Variants in ADGRE2 observed in about 807,000 individuals in gnomAD.
ADGRE2 encodes the protein CD97 antigen.
Under a neutral mutation model 100.8 loss-of-function variants are expected in ADGRE2, and 83 were observed. That is an observed-to-expected ratio of 0.82 (90% CI 0.69 to 0.99). The LOEUF (loss-of-function observed/expected upper bound fraction) is 0.99, where lower values mean the gene tolerates loss of function less well. Among genes scored for constraint, ADGRE2 ranks in the 50% least tolerant of loss-of-function variants. The pLI is 0.00. For missense variants in ADGRE2, 814 were observed against 1,035.7 expected (o/e 0.79, Z 2.94); for synonymous variants, 355 against 413.0 (o/e 0.86, Z 1.70).
At chr19:14,729,780 C>T (rs963794861), downstream of ADGRE2, among the ~76,000 whole-genome samples, 7 of 152,132 alleles carry the variant, frequency 4.6e-5, no homozygotes, top group Non-Finnish European at 8.8e-5. Context: ...GTTCTCACCA[C>T]CAAATAATAA....
chr19:14,767,491 G>A (rs148238485), intron 5 of ADGRE2, among the ~76,000 whole-genome samples: 24 of 152,048 alleles, frequency 1.6e-4, no homozygotes, highest in East Asian at 3.9e-4. Flanking sequence ...AGCCCACCTC[G>A]GCCTCCCAAA....
chr19:14,754,386 G>C lies in ADGRE2; in HGVS notation c.1590+568C>G, dbSNP rs746516973. Among the ~76,000 whole-genome samples, 150 of 151,568 alleles carry C rather than the reference G, an allele frequency of 9.9e-4. 4 individuals are homozygous for C. Among genetic ancestry groups the C allele is most frequent in the Admixed American group, 4.6e-4 (7 of 15,150 alleles). On this transcript the variant is annotated intron_variant, in intron 14 of 20. Coordinates refer to ENST00000315576, the MANE Select transcript of ADGRE2 (RefSeq NM_013447.4). ...AAAGGCAGATCCACTCTTAATCTGGGTGGGCACCATCTAATCAGCTGCCAG... is the reference window on the plus strand; with the variant it reads ...AAAGGCAGATCCACTCTTAATCTGGCTGGGCACCATCTAATCAGCTGCCAG...
At chr19:14,772,555 A>G in intron 4 of ADGRE2, 58 bp from the exon 5 acceptor site, 2 of 1,593,180 alleles carry the variant, frequency 1.3e-6, no homozygotes, top group South Asian at 2.2e-5. Flanking sequence ...GTCAGGGCAG[A>G]GACCCCCGTC....
In ADGRE2 at chr19:14,760,081, G is replaced by A. The variant is rs534525955; in HGVS notation, c.1085-3736C>T. ...GATCCTCCCACCTCGGCCTCCCAAAGTGCTGGGATTACAGGCGTGAGCCAC... is the reference window on the plus strand; with the variant it reads ...GATCCTCCCACCTCGGCCTCCCAAAATGCTGGGATTACAGGCGTGAGCCAC... On this transcript the variant is annotated intron_variant, in intron 11 of 20. Coordinates refer to ENST00000315576, the MANE Select transcript of ADGRE2 (RefSeq NM_013447.4). Among the ~76,000 whole-genome samples the A allele has an allele frequency of 1.3e-3, 192 of 152,262 alleles. 1 individual carries two copies. Among genetic ancestry groups the A allele is most frequent in the African/African-American group, 4.4e-3 (183 of 41,564 alleles).
the ADGRE2 span, among the ~76,000 whole-genome samples, chr19:14,724,937 G>C: frequency 1.5e-3 from 234 of 152,296 alleles, no homozygotes; most frequent in African/African-American, 5.5e-3. Flanking sequence ...CACTTTTAGG[G>C]AGAGATGTAC....
chr19:14,724,634 C>T, the ADGRE2 span, among the ~76,000 whole-genome samples: 17 of 152,010 alleles, frequency 1.1e-4, no homozygotes, highest in Non-Finnish European at 1.6e-4. Context: ...GGTGTGGTGG[C>T]GGGAGCCTGT....
At position 14,743,803 on chromosome 19, in the gene ADGRE2, G is replaced by C; in HGVS notation, c.2184-19C>G. On this transcript the variant is annotated intron_variant, in intron 18 of 20. Coordinates refer to ENST00000315576, the MANE Select transcript of ADGRE2 (RefSeq NM_013447.4). ...CAGCATCCTGGATTGAGTAAGAAAG[G>C]AGGCTGGTGATGCACCCAGAGAAAG... 6.2e-7 allele frequency: 1 copy of C among 1,612,386 alleles called. No individual in the cohort carries two copies. The highest frequency in any genetic ancestry group is 1.1e-5 in the South Asian group (1 of 90,992).
rs200754063 is a variant in ADGRE2 at position 14,772,403 on chromosome 19, T to C, written c.294A>G (p.Pro98=). 530 of 1,614,120 alleles carry C rather than the reference T, an allele frequency of 3.3e-4. 5 individuals are homozygous for C. In the East Asian group the frequency reaches 9.2e-3, roughly 28 times the overall value. Residue 98 remains proline, a synonymous_variant, in exon 5 of 21, where the codon CCA becomes CCG. Transcript: ENST00000315576. ...TTGCCCCAGAAACAGGCTCATATCC[T>C]GGGCTGCACACGCAGTCGTAGCTCC... ...TEGSYDCVCS[P]GYEPVSGAKT... is the part of the protein sequence containing the mutation.
intron 12 of ADGRE2, 110 bp downstream of exon 12, chr19:14,756,128 C>T (rs2147282529): frequency 1.1e-6 from 1 of 922,584 alleles, no homozygotes; most frequent in South Asian, 1.4e-5. Context: ...CAGCCCCACT[C>T]CAAACATCCC....
chr19:14,752,693 G>A (rs145446755), intron 14 of ADGRE2, among the ~76,000 whole-genome samples, 167 bp from the exon 15 acceptor site: 3 of 152,276 alleles, frequency 2.0e-5, no homozygotes, highest in African/African-American at 4.8e-5. Context: ...GGTGTCACCC[G>A]AGCCTCATGG....
intron 11 of ADGRE2, among the ~76,000 whole-genome samples, chr19:14,763,741 TTC>T (rs2043824753): frequency 1.5e-3 from 1 of 652 alleles, no homozygotes; most frequent in Non-Finnish European, 3.5e-3. Context: ...TCCTCCTCCA[TTC>T]CTCCTCCTTC....
downstream of ADGRE2, among the ~76,000 whole-genome samples, chr19:14,730,024 T>C (rs2147049417): frequency 6.6e-6 from 1 of 152,230 alleles, no homozygotes; most frequent in Admixed American, 6.5e-5. Context: ...AGAGAATTTA[T>C]TGAAGGAAAA....
chr19:14,771,119 G>C (rs1007136423), intron 5 of ADGRE2, among the ~76,000 whole-genome samples: 1 of 152,072 alleles, frequency 6.6e-6, no homozygotes, highest in Non-Finnish European at 1.5e-5. Flanking sequence ...CTCTCAGAAC[G>C]TACACCTCTG....
At chr19:14,724,855 G>A in the ADGRE2 span, among the ~76,000 whole-genome samples, 20 of 152,084 alleles carry the variant, frequency 1.3e-4, no homozygotes, top group Admixed American at 5.9e-4. Flanking sequence ...AATTCTTTCC[G>A]TGAAAATATT....
chr19:14,770,677 T>TTCTTTTC (rs1568623230), intron 5 of ADGRE2, among the ~76,000 whole-genome samples: 1 of 120,780 alleles, frequency 8.3e-6, no homozygotes, highest in Non-Finnish European at 1.7e-5. Flanking sequence ...TTCTTTTTTT[T>TTCTTTTC]TTTTTTTTTT....
intron 1 of ADGRE2, 156 bp from the exon 2 acceptor site, chr19:14,777,083 G>A: frequency 1.0e-6 from 1 of 985,296 alleles, no homozygotes; most frequent in Non-Finnish European, 1.2e-6. Context: ...TTTCCACCAT[G>A]TGGCTCTGAC....
In ADGRE2 at chr19:14,766,368, G is replaced by T. The variant is rs1176020125; in HGVS notation, c.501C>A (p.Cys167Ter). The T allele has an allele frequency of 4.3e-6, 7 of 1,613,720 alleles. No homozygotes were observed. Among genetic ancestry groups the T allele is most frequent in the Non-Finnish European group, 5.1e-6 (6 of 1,180,004 alleles). The part of the protein sequence containing the change: ...DPKLCTDVNE[C>*]TSGQNPCHSS... ...TGTGGCATGGGTTTTGTCCGGAGGT[G>T]CATTCATTCACATCTGAGGACAAAG... Residue 167 changes from cysteine to a stop codon, truncating the protein, a stop_gained, in exon 7 of 21, where the codon TGC (cysteine) becomes TGA (stop). Transcript: ENST00000315576. LOFTEE classifies it high-confidence loss of function.
Position 14,744,245 on chromosome 19 carries a change from C to CA in ADGRE2, c.2184-462dup, listed in dbSNP as rs35716148. Among the ~76,000 whole-genome samples, 258 of 141,524 alleles carry CA rather than the reference C, an allele frequency of 1.8e-3. 2 individuals carry two copies. Among genetic ancestry groups the CA allele is most frequent in the East Asian group, 0.016 (76 of 4,746 alleles). The allele number at this position is 141,524 out of a possible 152,430, so 92.8% of individuals were successfully genotyped here. ...GGAGTGACAGAGCGAGACTCTGTCT[C>CA]AAAAAAAAAAAAAGGATTATTTTTG... is the stretch of plus-strand genomic sequence containing the variant. On this transcript the variant is annotated intron_variant, in intron 18 of 20. Coordinates refer to ENST00000315576, the MANE Select transcript of ADGRE2 (RefSeq NM_013447.4).
intron 11 of ADGRE2, among the ~76,000 whole-genome samples, chr19:14,764,073 T>C (rs2043856375): frequency 6.6e-6 from 1 of 151,854 alleles, no homozygotes. Context: ...CTTCGTCTTC[T>C]CTTTTTTGAG....
Sources: allele counts gnomAD v4.1 joint callset (sites outside exome capture counted in the v4.1 genomes callset), GRCh38; gene constraint gnomAD v4.1.1; transcripts MANE v1.5; gene names NCBI Gene and HGNC (gene_info 2026-07-23, HGNC 2026-07-21).